Variants in INTS2 observed in about 807,000 individuals in gnomAD.
INTS2 encodes integrator complex subunit 2, also known as KIAA1287.
In INTS2, 57 loss-of-function variants were observed where a neutral mutation model predicts 139.6. The observed-to-expected ratio is 0.41, with a 90% CI of 0.33 to 0.51. The LOEUF is 0.51. Ranked by LOEUF, INTS2 falls within the 20% of genes least tolerant of loss-of-function variation. The pLI, the probability that INTS2 is intolerant of heterozygous loss-of-function variation, is 0.28. For missense variants in INTS2, 1,196 were observed against 1,436.7 expected (o/e 0.83, Z 2.71); for synonymous variants, 473 against 493.4 (o/e 0.96, Z 0.55).
rs2079084812 is a variant in INTS2, at chr17:61,871,107, G to T, written c.2779-1119C>A. Among the ~76,000 whole-genome samples the T allele has an allele frequency of 6.6e-6, 1 of 151,952 alleles. No homozygotes were observed. ...CTCCTAGGAACAGATTTATTTTATTGATTTATTTTATTGATTTTTGTTGTT... is the reference window on the plus strand; with the variant it reads ...CTCCTAGGAACAGATTTATTTTATTTATTTATTTTATTGATTTTTGTTGTT... On this transcript the variant is annotated intron_variant, in intron 20 of 24. Coordinates refer to ENST00000251334, the MANE Select transcript of INTS2 (RefSeq NM_001351695.2). The surrounding 1 kb of genome is among the most constrained non-coding windows in gnomAD (Gnocchi z 4.9).
rs2079498413 is a variant in INTS2 at position 61,909,293 on chromosome 17, TAG to T, written c.955-1661_955-1660del. Among the ~76,000 whole-genome samples, 2 of 152,068 alleles carry T rather than the reference TAG, an allele frequency of 1.3e-5. No individual in the cohort carries two copies. Among genetic ancestry groups the T allele is most frequent in the South Asian group, 4.1e-4 (2 of 4,822 alleles). The stretch of plus-strand genomic sequence containing the variant: ...GCTCAGCTAATTTTTGTATTTTTAG[TAG>T]AGACAGGGTTTCACCATGTTGGCCA... On this transcript the variant is annotated intron_variant, in intron 7 of 24. Coordinates refer to ENST00000251334, the MANE Select transcript of INTS2 (RefSeq NM_001351695.2). The surrounding 1 kb of genome is among the most constrained non-coding windows in gnomAD (Gnocchi z 4.9).
At chr17:61,914,536 A>T (rs1603382408) in intron 5 of INTS2, among the ~76,000 whole-genome samples, 1 of 151,910 alleles carries the variant, frequency 6.6e-6, no homozygotes, top group African/African-American at 2.4e-5. Flanking sequence ...TGTTACTACT[A>T]AAAATACAAA....
intron 8 of INTS2, among the ~76,000 whole-genome samples, chr17:61,906,375 A>G (rs1450567826): frequency 2.0e-5 from 3 of 152,204 alleles, no homozygotes; most frequent in Non-Finnish European, 2.9e-5. Context: ...CTCCTCTGCT[A>G]TATGTACATG....
In INTS2 at chr17:61,893,792, G is replaced by A; in HGVS notation, c.1671C>T (p.Ser557=). 1.3e-6 allele frequency: 2 copies of A among 1,589,276 alleles called. No individual in the cohort carries two copies. Among genetic ancestry groups the A allele is most frequent in the Non-Finnish European group, 1.7e-6 (2 of 1,166,558 alleles). ...HCIYQLLRSR[S]FTKHKVSIKD... ...TTATTGACACTTTGTGCTTGGTAAA[G>A]GAACGGCTCCTGAGAAGCTGGTAAA... The change falls in exon 13 of 25, where the codon TCC becomes TCT. Residue 557 remains serine, a synonymous_variant. Coordinates refer to ENST00000251334, the MANE Select transcript of INTS2 (RefSeq NM_001351695.2). The surrounding 1 kb of genome is among the most constrained non-coding windows in gnomAD (Gnocchi z 5.4).
chr17:61,900,350 C>T (rs1052817513), intron 9 of INTS2, among the ~76,000 whole-genome samples: 1 of 152,150 alleles, frequency 6.6e-6, no homozygotes, highest in Non-Finnish European at 1.5e-5. Context: ...TAGAAGAATA[C>T]CCTTCCCTCA....
intron 9 of INTS2, among the ~76,000 whole-genome samples, chr17:61,898,071 A>G (rs939465084): frequency 6.6e-6 from 1 of 152,194 alleles, no homozygotes; most frequent in African/African-American, 2.4e-5. Context: ...ACTACACAAC[A>G]GCTGATATTT....
chr17:61,925,561 G>C (rs2079702303), intron 2 of INTS2, among the ~76,000 whole-genome samples: 1 of 151,576 alleles, frequency 6.6e-6, no homozygotes, highest in African/African-American at 2.4e-5. Flanking sequence ...TGGGCAACAG[G>C]GCAAGACTCG....
intron 4 of INTS2, among the ~76,000 whole-genome samples, chr17:61,920,258 C>T (rs917808729): frequency 2.0e-5 from 3 of 150,120 alleles, no homozygotes; most frequent in African/African-American, 7.3e-5. Context: ...CTCAGCTCAC[C>T]GCAACCTCCG....
rs1354605356 is a variant in INTS2, at chr17:61,869,626, A to G, written c.3030+111T>C. 7.7e-6 allele frequency: 10 copies of G among 1,299,356 alleles called. No individual in the cohort carries two copies. Among genetic ancestry groups the G allele is most frequent in the Non-Finnish European group, 1.1e-5 (10 of 942,092 alleles). The allele number at this position is 1,299,356 out of a possible 1,614,324, so 80.5% of individuals were successfully genotyped here. A position where few individuals can be genotyped will look rare whatever the true frequency, so the allele number is the denominator to read the frequency against. Reference sequence around the variant, plus strand: ...ATTTTTCTCCATATTGCAAAAGCCCATGGATCATTTGTGTTTTCTCTGGTT... The same window carrying G: ...ATTTTTCTCCATATTGCAAAAGCCCGTGGATCATTTGTGTTTTCTCTGGTT... On this transcript the variant is annotated intron_variant, in intron 21 of 24. Transcript: ENST00000251334. The surrounding 1 kb of genome is among the most constrained non-coding windows in gnomAD (Gnocchi z 5.4).
At position 61,869,795 on chromosome 17, in the gene INTS2, C is replaced by T. The variant is rs1421011633; in HGVS notation, c.2972G>A (p.Cys991Tyr). 6.2e-7 allele frequency: 1 copy of T among 1,613,896 alleles called. No homozygotes were observed. The highest frequency in any genetic ancestry group is 1.7e-5 in the Admixed American group (1 of 60,028). Residue 991 changes from cysteine to tyrosine, a missense_variant, in exon 21 of 25, where the codon TGT becomes TAT. Cys to Tyr is a radical substitution (Grantham distance 194). Coordinates refer to ENST00000251334, the MANE Select transcript of INTS2 (RefSeq NM_001351695.2). This position sits in a 1 kb window ranked among gnomAD's most constrained non-coding sequence, Gnocchi z 5.4. The stretch of plus-strand genomic sequence containing the variant: ...TGCAATGTACATTTGGTGCAAGAGA[C>T]AACAGATAAGGCACTGAACTTCTCG... ...NLREVQCLIC[C>Y]LLHQMYIADP...
intron 13 of INTS2, among the ~76,000 whole-genome samples, chr17:61,892,015 T>C (rs1274959409): frequency 6.6e-6 from 1 of 152,066 alleles, no homozygotes; most frequent in Non-Finnish European, 1.5e-5. Context: ...ATGGGAGAGC[T>C]CACGTTAGAT....
At chr17:61,907,850 A>G (rs2079482198) in intron 7 of INTS2, among the ~76,000 whole-genome samples, 1 of 152,204 alleles carries the variant, frequency 6.6e-6, no homozygotes. Flanking sequence ...TTGGTTGCAG[A>G]GGAAAGACTA....
rs1207907783 is a variant in INTS2 at position 61,872,276 on chromosome 17, G to C, written c.2767C>G (p.Leu923Val). 2 of 1,609,618 alleles carry C rather than the reference G, an allele frequency of 1.2e-6. No homozygotes were observed. Among genetic ancestry groups the C allele is most frequent in the Non-Finnish European group, 1.7e-6 (2 of 1,177,188 alleles). Residue 923 changes from leucine (L) to valine (V), a missense_variant, in exon 20 of 25, where the codon CTG becomes GTG. By Grantham distance (32) the Leu-to-Val change is conservative. Around this residue, in one of 3 missense-constraint regions of INTS2, gnomAD observed 1,129 missense variants for 1,341.9 expected, o/e 0.84. Transcript: ENST00000251334. The surrounding 1 kb of genome is among the most constrained non-coding windows in gnomAD (Gnocchi z 4.8). The stretch of plus-strand genomic sequence containing the variant: ...TTAGCAAAATTTACCTGAGCGGCCA[G>C]TAATGCATTTTTCAATTCTTCCCTG... The part of the protein sequence containing the change: ...VTREELKNAL[L>V]AAQDSAAVQI...
At position 61,868,572 on chromosome 17, in the gene INTS2, C is replaced by A. The variant is rs1005308911; in HGVS notation, c.3244+462G>T. Among the ~76,000 whole-genome samples, 1 of 151,982 alleles carries A rather than the reference C, an allele frequency of 6.6e-6. No individual in the cohort carries two copies. The highest frequency in any genetic ancestry group is 1.5e-5 in the Non-Finnish European group (1 of 67,944). ...TTTCAGACCATTTTATTCTACAAAC[C>A]AGAAGGTGGTTAAAATATCAGAATA... On this transcript the variant is annotated intron_variant, in intron 23 of 24. Coordinates refer to ENST00000251334, the MANE Select transcript of INTS2 (RefSeq NM_001351695.2). The surrounding 1 kb of genome is among the most constrained non-coding windows in gnomAD (Gnocchi z 4.7).
At chr17:61,885,717 C>T (rs934719160) in intron 15 of INTS2, among the ~76,000 whole-genome samples, 23 of 141,852 alleles carry the variant, frequency 1.6e-4, no homozygotes, top group African/African-American at 5.6e-4. Context: ...TCACTGGGCC[C>T]GGCCAATTTT....
At chr17:61,885,477 C>T (rs561636058) in intron 15 of INTS2, among the ~76,000 whole-genome samples, 3 of 150,192 alleles carry the variant, frequency 2.0e-5, no homozygotes, top group East Asian at 1.9e-4. Context: ...TGCAGTGGCA[C>T]GATCTCAGCT....
At chr17:61,921,646 C>T (rs1257946425) in intron 4 of INTS2, 79 bp downstream of exon 4, 1 of 644,992 alleles carries the variant, frequency 1.6e-6, no homozygotes, top group Admixed American at 3.0e-5. Flanking sequence ...AATAACACAG[C>T]ATACCAGGCT....
intron 3 of INTS2, 85 bp downstream of exon 3, chr17:61,924,876 G>C: frequency 7.2e-7 from 1 of 1,379,748 alleles, no homozygotes; most frequent in Non-Finnish European, 1.0e-6. Flanking sequence ...CAACCTGCCT[G>C]ACTTCTTGTC....
chr17:61,907,025 TATG>T (rs1314516528), intron 8 of INTS2, among the ~76,000 whole-genome samples: 2 of 149,556 alleles, frequency 1.3e-5, no homozygotes, highest in African/African-American at 2.5e-5. Flanking sequence ...TTTAAACAAT[TATG>T]ATATCAGCTG....
Sources: allele counts gnomAD v4.1 joint callset (sites outside exome capture counted in the v4.1 genomes callset), GRCh38; gene constraint gnomAD v4.1.1; regional missense constraint gnomAD v4.1.1; non-coding constraint Gnocchi (gnomAD v3.1); transcripts MANE v1.5; gene names NCBI Gene and HGNC (gene_info 2026-07-23, HGNC 2026-07-21).